The following RAPGEF4 variants were observed in gnomAD, a reference collection of about 807,000 sequenced individuals.
RAPGEF4 encodes Rap guanine nucleotide exchange factor 4.
In RAPGEF4, 66 loss-of-function variants were observed where a neutral mutation model predicts 147.9. The ratio of observed to expected loss-of-function variants is 0.45; its 90% CI spans 0.37 to 0.55. The LOEUF is 0.55. Among genes scored for constraint, RAPGEF4 ranks in the 20% least tolerant of loss-of-function variants. The pLI is 0.00. For synonymous variants in RAPGEF4, 419 were observed against 442.7 expected (o/e 0.95, Z 0.67); for missense variants, 1,071 against 1,257.3 (o/e 0.85, Z 2.24).
At chr2:172,899,681 C>G (rs182104652) in intron 4 of RAPGEF4, among the ~76,000 whole-genome samples, 1 of 152,080 alleles carries the variant, frequency 6.6e-6, no homozygotes, top group African/African-American at 2.4e-5. Flanking sequence ...TGCTGGGTGG[C>G]ACCTGCAGAA....
At chr2:172,797,666 T>A in intron 3 of RAPGEF4, 53 bp downstream of exon 3, 1 of 1,328,744 alleles carries the variant, frequency 7.5e-7, no homozygotes, top group African/African-American at 1.5e-5. Context: ...AAAGACTTAT[T>A]ATCCCTATGT....
At position 172,748,544 on chromosome 2, in the gene RAPGEF4, T is replaced by C. The variant is rs551603358; in HGVS notation, c.65+12496T>C. 2.6e-5 allele frequency among the ~76,000 whole-genome samples: 4 copies of C among 152,186 alleles called. No homozygotes were observed. The South Asian group carries it at 8.3e-4, about 32-fold the overall frequency. On this transcript the variant is annotated intron_variant, in intron 1 of 30. Coordinates refer to ENST00000397081, the MANE Select transcript of RAPGEF4 (RefSeq NM_007023.4). ...GAATTGGGGAAGCTGCCCCCATGAT[T>C]CAGTTATCTCCCACCGGGTCCCCTC... is the stretch of plus-strand genomic sequence containing the variant.
At chr2:172,908,057 G>A (rs934796784) in intron 4 of RAPGEF4, among the ~76,000 whole-genome samples, 1 of 152,256 alleles carries the variant, frequency 6.6e-6, no homozygotes, top group South Asian at 2.1e-4. Context: ...CACACTTTCC[G>A]TAACATCAGA....
chr2:172,887,653 C>T (rs993478659), intron 4 of RAPGEF4, among the ~76,000 whole-genome samples: 2 of 152,218 alleles, frequency 1.3e-5, no homozygotes, highest in Non-Finnish European at 2.9e-5. Flanking sequence ...AAGATTTACT[C>T]ACTGGTCCTT....
In RAPGEF4 at chr2:172,746,573, G is replaced by A. The variant is rs2149431464; in HGVS notation, c.65+10525G>A. Reference sequence around the variant, plus strand: ...GAATAAAATTGATTGTACAATGTAAGCATATCAAAATGGATGACTTGCTGT... The same window carrying A: ...GAATAAAATTGATTGTACAATGTAAACATATCAAAATGGATGACTTGCTGT... On this transcript the variant is annotated intron_variant, in intron 1 of 30. Transcript: ENST00000397081. Among the ~76,000 whole-genome samples, 3 of 152,026 alleles carry A rather than the reference G, an allele frequency of 2.0e-5. No individual in the cohort carries two copies. In the South Asian group the frequency reaches 6.2e-4, roughly 32 times the overall value.
intron 4 of RAPGEF4, among the ~76,000 whole-genome samples, chr2:172,888,741 G>A (rs75847032): frequency 0.015 from 2,263 of 152,220 alleles, 76 homozygotes; most frequent in African/African-American, 0.051. Flanking sequence ...TGTTATGATC[G>A]AATTAATAAT....
At chr2:173,025,343 G>GTGA (rs998992321) in intron 23 of RAPGEF4, among the ~76,000 whole-genome samples, 13 of 152,364 alleles carry the variant, frequency 8.5e-5, no homozygotes, top group Admixed American at 3.3e-4. Flanking sequence ...GTAGAATACA[G>GTGA]TGATGATGAT....
chr2:172,988,150 T>C (rs1222213096), intron 12 of RAPGEF4, 46 bp from the exon 13 acceptor site: 5 of 1,554,188 alleles, frequency 3.2e-6, no homozygotes, highest in Non-Finnish European at 3.5e-6. Context: ...TTTATATTGA[T>C]GTGCTTCTAT....
At chr2:172,909,089 GGAGT>G (rs1699875147) in intron 4 of RAPGEF4, among the ~76,000 whole-genome samples, 1 of 152,150 alleles carries the variant, frequency 6.6e-6, no homozygotes, top group African/African-American at 2.4e-5. Context: ...CTCAGTGTCA[GGAGT>G]GAGACTGGTG....
chr2:172,901,743 C>T (rs1160509556), intron 4 of RAPGEF4, among the ~76,000 whole-genome samples: 1 of 152,140 alleles, frequency 6.6e-6, no homozygotes, highest in African/African-American at 2.4e-5. Flanking sequence ...TTGAGAAATT[C>T]AATCAGTGAT....
chr2:172,862,559 A>G (rs1164330459), intron 4 of RAPGEF4, among the ~76,000 whole-genome samples: 2 of 152,214 alleles, frequency 1.3e-5, no homozygotes. Flanking sequence ...TTCTCTTATA[A>G]ATCCCATCTC....
intron 6 of RAPGEF4, 151 bp downstream of exon 6, chr2:172,922,451 A>G (rs1684866027): frequency 1.3e-6 from 1 of 794,560 alleles, no homozygotes; most frequent in East Asian, 2.5e-5. Context: ...TTGGCAAGTC[A>G]CTTTGAAATA....
intron 6 of RAPGEF4, among the ~76,000 whole-genome samples, chr2:172,923,722 T>C (rs1684998575): frequency 6.6e-6 from 1 of 152,214 alleles, no homozygotes; most frequent in African/African-American, 2.4e-5. Flanking sequence ...AATGTGGATG[T>C]TACCTTAAAA....
At chr2:172,991,212 G>A (rs543883004) in intron 15 of RAPGEF4, among the ~76,000 whole-genome samples, 11 of 152,274 alleles carry the variant, frequency 7.2e-5, no homozygotes, top group African/African-American at 1.4e-4. Flanking sequence ...AACAGAAGGC[G>A]TGTGAGAGAA....
chr2:172,746,033 T>C (rs746436705), intron 1 of RAPGEF4, among the ~76,000 whole-genome samples: 2 of 152,236 alleles, frequency 1.3e-5, no homozygotes, highest in African/African-American at 4.8e-5. Flanking sequence ...AGATGGATTG[T>C]GTTTCTTACT....
At chr2:172,906,321 C>G (rs997279083) in intron 4 of RAPGEF4, among the ~76,000 whole-genome samples, 1 of 152,114 alleles carries the variant, frequency 6.6e-6, no homozygotes, top group African/African-American at 2.4e-5. Context: ...TCCCCACATC[C>G]CCAGAACAGT....
chr2:172,944,688 G>A (rs182352542), intron 6 of RAPGEF4, among the ~76,000 whole-genome samples: 6 of 152,302 alleles, frequency 3.9e-5, no homozygotes, highest in African/African-American at 1.4e-4. Flanking sequence ...TTGTAGCTGT[G>A]TCATCTTCAG....
At chr2:172,904,802 C>A (rs1699452184) in intron 4 of RAPGEF4, among the ~76,000 whole-genome samples, 1 of 151,916 alleles carries the variant, frequency 6.6e-6, no homozygotes, top group Non-Finnish European at 1.5e-5. Flanking sequence ...CCTGTCCTCC[C>A]CTTCAGCACC....
intron 4 of RAPGEF4, among the ~76,000 whole-genome samples, chr2:172,858,927 G>A (rs13418299): frequency 0.19 from 29,392 of 152,066 alleles, 3,494 homozygotes; most frequent in Middle Eastern, 0.3. Flanking sequence ...AACCTGAAAT[G>A]TGAGTATTTA....
Sources: allele counts gnomAD v4.1 joint callset (sites outside exome capture counted in the v4.1 genomes callset), GRCh38; gene constraint gnomAD v4.1.1; transcripts MANE v1.5; gene names NCBI Gene and HGNC (gene_info 2026-07-23, HGNC 2026-07-21).